Variants in PCDHA4 observed in about 807,000 individuals in gnomAD.
PCDHA4 encodes the protein protocadherin alpha-4.
Under a neutral mutation model 61.4 loss-of-function variants are expected in PCDHA4, and 49 were observed. The ratio of observed to expected loss-of-function variants is 0.80; its 90% CI spans 0.63 to 1.01. PCDHA4 has a LOEUF of 1.01. Among genes scored for constraint, PCDHA4 ranks in the 50% least tolerant of loss-of-function variants. PCDHA4 has a pLI of 0.00. For missense variants in PCDHA4, 1,254 were observed against 1,235.8 expected (o/e 1.01, Z -0.22); for synonymous variants, 590 against 550.3 (o/e 1.07, Z -1.01).
Position 140,858,425 on chromosome 5 carries a change from C to A in PCDHA4, c.2385+48853C>A, listed in dbSNP as rs373682195. Reference sequence around the variant, plus strand: ...GGAAGATCAGTCTATTGGAGGGGACCACTCTAGGAAGGTGGGTTATTACGT... The same window carrying A: ...GGAAGATCAGTCTATTGGAGGGGACAACTCTAGGAAGGTGGGTTATTACGT... On this transcript the variant is annotated intron_variant, in intron 1 of 3. Coordinates refer to ENST00000530339, the MANE Select transcript of PCDHA4 (RefSeq NM_018907.4). The A allele has an allele frequency of 1.2e-5, 18 of 1,552,696 alleles. 1 individual carries two copies. In the African/African-American group the frequency reaches 2.3e-4, roughly 20 times the overall value.
chr5:141,005,701 CAAAAA>C (rs59860837), intron 3 of PCDHA4, among the ~76,000 whole-genome samples: 1 of 7,786 alleles, frequency 1.3e-4, no homozygotes, highest in Non-Finnish European at 2.7e-4. Context: ...AACTCCGTCT[CAAAAA>C]AAAAAAAAAA....
rs551685820 is a variant in PCDHA4, at chr5:140,967,997, C to G, written c.2386-10952C>G. On this transcript the variant is annotated intron_variant, in intron 1 of 3. Transcript: ENST00000530339. ...GGGTCTGGAGGCCACACTGCCTTTC[C>G]GACTGAATGGCTTTGGAAACTCCTA... is the stretch of plus-strand genomic sequence containing the variant. The G allele has an allele frequency of 4.3e-6, 7 of 1,614,220 alleles. No individual in the cohort carries two copies. In the African/African-American group the frequency reaches 6.7e-5, roughly 15 times the overall value.
intron 1 of PCDHA4, chr5:140,871,327 C>A: frequency 6.2e-7 from 1 of 1,614,102 alleles, no homozygotes; most frequent in Non-Finnish European, 8.5e-7. Flanking sequence ...GGTGTGCTCC[C>A]GCGCGGTGGG....
rs2056458194 is a variant in PCDHA4, at chr5:140,876,609, T to C, written c.2385+67037T>C. ...TGATTAGCGTGTCGGATCGTGACTC[T>C]GGAGCCAATGGACAGGTCATCTGCT... On this transcript the variant is annotated intron_variant, in intron 1 of 3. Coordinates refer to ENST00000530339, the MANE Select transcript of PCDHA4 (RefSeq NM_018907.4). The C allele has an allele frequency of 3.1e-6, 5 of 1,614,226 alleles. No individual in the cohort carries two copies. In the East Asian group the frequency reaches 1.1e-4, roughly 36 times the overall value.
At chr5:140,884,585 A>C in intron 1 of PCDHA4, 2 of 1,614,190 alleles carry the variant, frequency 1.2e-6, no homozygotes, top group Non-Finnish European at 1.7e-6. Context: ...CATGGCCTTC[A>C]GTCCCAGCCT....
intron 1 of PCDHA4, chr5:140,816,428 T>C (rs1765903029): frequency 6.6e-6 from 1 of 152,222 alleles, no homozygotes; most frequent in Non-Finnish European, 1.5e-5. Flanking sequence ...ACTGAACATC[T>C]TTATGACAAT....
chr5:140,847,046 G>A (rs1554141633), intron 1 of PCDHA4, among the ~76,000 whole-genome samples: 1 of 149,680 alleles, frequency 6.7e-6, no homozygotes, highest in Non-Finnish European at 1.5e-5. Flanking sequence ...AAGGAAAGTT[G>A]AAGACACAGA....
Position 140,858,553 on chromosome 5 carries a change from G to A in PCDHA4, c.2385+48981G>A, listed in dbSNP as rs782150802. 10 of 1,392,490 alleles carry A rather than the reference G, an allele frequency of 7.2e-6. 2 individuals are homozygous for A. In the South Asian group the frequency reaches 1.1e-4, roughly 16 times the overall value. The allele number at this position is 1,392,490 out of a possible 1,614,324, so 86.3% of individuals were successfully genotyped here. ...TTTTGTCTACATTCCATTTATGCTT[G>A]AATATTTCTAGTGATACCTTTGTAA... On this transcript the variant is annotated intron_variant, in intron 1 of 3. Coordinates refer to ENST00000530339, the MANE Select transcript of PCDHA4 (RefSeq NM_018907.4).
chr5:140,966,578 G>A, intron 1 of PCDHA4: 1 of 527,316 alleles, frequency 1.9e-6, no homozygotes, highest in Non-Finnish European at 3.1e-6. Context: ...GGGAGTCAGC[G>A]AGGACGGTGG....
In PCDHA4 at chr5:140,870,903, A is replaced by C. The variant is rs182770106; in HGVS notation, c.2385+61331A>C. On this transcript the variant is annotated intron_variant, in intron 1 of 3. Transcript: ENST00000530339. ...AGGTGCGCGCAGTGGATGCGGACTCAGGCTACAACGCGTGGCTTTCATATG... is the reference window on the plus strand; with the variant it reads ...AGGTGCGCGCAGTGGATGCGGACTCCGGCTACAACGCGTGGCTTTCATATG... 3.9e-4 allele frequency: 622 copies of C among 1,613,930 alleles called. 2 individuals carry two copies. The highest frequency in any genetic ancestry group is 2.8e-3 in the Middle Eastern group (17 of 6,060).
At chr5:140,987,429 G>A (rs1402576200) in intron 3 of PCDHA4, among the ~76,000 whole-genome samples, 1 of 152,096 alleles carries the variant, frequency 6.6e-6, no homozygotes, top group Non-Finnish European at 1.5e-5. Context: ...GAAGCAGGGG[G>A]CCTTTCCCCA....
chr5:140,963,177 T>A (rs1002604435), intron 1 of PCDHA4, among the ~76,000 whole-genome samples: 1 of 152,194 alleles, frequency 6.6e-6, no homozygotes, highest in East Asian at 1.9e-4. Flanking sequence ...CTTACAGATA[T>A]GCTGTAGACT....
chr5:140,808,881 T>G lies in PCDHA4; in HGVS notation c.1694T>G (p.Leu565Arg), dbSNP rs1344157467. ...VLDENDNAPA[L>R]LAPRAGGTGG... is the part of the protein sequence containing the mutation. ...GACGAAAACGACAACGCGCCAGCAC[T>G]GCTAGCGCCTCGGGCGGGTGGCACT... Residue 565 changes from leucine to arginine, a missense_variant, in exon 1 of 4, where the codon CTG becomes CGG. Physicochemically the swap from Leu to Arg is moderately radical, Grantham distance 102. Coordinates refer to ENST00000530339, the MANE Select transcript of PCDHA4 (RefSeq NM_018907.4). 2.5e-6 allele frequency: 4 copies of G among 1,613,196 alleles called. No individual in the cohort carries two copies. Among genetic ancestry groups the G allele is most frequent in the Non-Finnish European group, 3.4e-6 (4 of 1,179,888 alleles).
chr5:140,897,104 C>A (rs1474457154), intron 1 of PCDHA4, among the ~76,000 whole-genome samples: 1 of 152,116 alleles, frequency 6.6e-6, no homozygotes, highest in Non-Finnish European at 1.5e-5. Flanking sequence ...TTAAAAATCT[C>A]CACTTTCTGT....
intron 1 of PCDHA4, chr5:140,825,487 A>G (rs1255011143): frequency 6.6e-6 from 1 of 150,540 alleles, no homozygotes; most frequent in African/African-American, 2.4e-5. Flanking sequence ...TTGTTGCCCA[A>G]ACGAGTGCAA....
intron 1 of PCDHA4, among the ~76,000 whole-genome samples, chr5:140,897,463 T>C (rs573452029): frequency 6.6e-6 from 1 of 151,924 alleles, no homozygotes; most frequent in African/African-American, 2.4e-5. Flanking sequence ...CTTGCGATAG[T>C]TTACTGAGAA....
intron 1 of PCDHA4, among the ~76,000 whole-genome samples, chr5:140,919,139 C>T (rs1294020429): frequency 6.6e-6 from 1 of 152,120 alleles, no homozygotes; most frequent in Non-Finnish European, 1.5e-5. Context: ...TTTTGGGGCT[C>T]TATTATTAGA....
intron 1 of PCDHA4, chr5:140,870,427 G>C: frequency 6.2e-7 from 1 of 1,614,220 alleles, no homozygotes; most frequent in Non-Finnish European, 8.5e-7. Context: ...CAGGGTATCC[G>C]TGGAGGTGGC....
At chr5:140,943,796 C>T (rs2093568961) in intron 1 of PCDHA4, among the ~76,000 whole-genome samples, 1 of 152,032 alleles carries the variant, frequency 6.6e-6, no homozygotes, top group Non-Finnish European at 1.5e-5. Flanking sequence ...TTATGCAAAG[C>T]AAAAGAGGAA....
Sources: gnomAD v4.1 joint callset for allele counts (sites outside exome capture counted in the v4.1 genomes callset) on GRCh38, gnomAD v4.1.1 for gene constraint, MANE v1.5 for transcripts, NCBI Gene and HGNC (gene_info 2026-07-23, HGNC 2026-07-21) for gene names.